The following NTM variants were observed in gnomAD, a reference collection of about 807,000 sequenced individuals.
NTM encodes the protein neurotrimin.
A neutral mutation model predicts 42.1 loss-of-function variants in NTM; 13 were observed. The ratio of observed to expected loss-of-function variants is 0.31; its 90% CI spans 0.20 to 0.49. NTM has a LOEUF of 0.49. Among genes scored for constraint, NTM ranks in the 20% least tolerant of loss-of-function variants. The probability of loss-of-function intolerance (pLI) is 0.99; values close to 1 mark genes in which losing one functional copy is unlikely to be tolerated. For synonymous variants in NTM, 187 were observed against 179.2 expected (o/e 1.04, Z -0.35); for missense variants, 373 against 452.8 (o/e 0.82, Z 1.60).
At chr11:132,076,605 A>AT (rs1400778054) in intron 2 of NTM, among the ~76,000 whole-genome samples, 1 of 152,310 alleles carries the variant, frequency 6.6e-6, no homozygotes, top group African/African-American at 2.4e-5. Flanking sequence ...AGAAAAGATG[A>AT]TTTGGTAAAG....
chr11:131,822,910 T>C (rs2093251739), intron 1 of NTM, among the ~76,000 whole-genome samples: 1 of 152,174 alleles, frequency 6.6e-6, no homozygotes, highest in South Asian at 2.1e-4. Context: ...AAAGGTAGCA[T>C]TGATCTGGAC....
intron 4 of NTM, among the ~76,000 whole-genome samples, chr11:132,240,041 C>T (rs1245631104): frequency 6.8e-6 from 1 of 147,190 alleles, no homozygotes; most frequent in Admixed American, 6.9e-5. Flanking sequence ...CATCCATCAT[C>T]CGTCCATCCC....
intron 8 of NTM, among the ~76,000 whole-genome samples, chr11:132,330,720 AC>A (rs1359866854): frequency 2.0e-5 from 3 of 152,164 alleles, no homozygotes; most frequent in African/African-American, 7.2e-5. Flanking sequence ...TGGATAATTG[AC>A]ACTCATCACC....
At chr11:131,852,953 T>TCCATCCAC (rs2045734359) in intron 1 of NTM, among the ~76,000 whole-genome samples, 1 of 146,236 alleles carries the variant, frequency 6.8e-6, no homozygotes, top group African/African-American at 2.5e-5. Flanking sequence ...CACCCATTCA[T>TCCATCCAC]CCACTCATCC....
intron 2 of NTM, among the ~76,000 whole-genome samples, chr11:132,126,588 C>A (rs2065880923): frequency 6.6e-6 from 1 of 152,130 alleles, no homozygotes; most frequent in Non-Finnish European, 1.5e-5. Flanking sequence ...TCTCCCCTAG[C>A]AGTTGTTTTT....
At chr11:132,313,668 AAGG>A (rs1406470949) in intron 6 of NTM, among the ~76,000 whole-genome samples, 4 of 152,148 alleles carry the variant, frequency 2.6e-5, no homozygotes, top group South Asian at 4.1e-4. Context: ...ACTTCCTGAG[AAGG>A]AGGACATGTG....
At chr11:131,646,189 T>G (rs1047890777) in intron 1 of NTM, among the ~76,000 whole-genome samples, 12 of 152,186 alleles carry the variant, frequency 7.9e-5, no homozygotes, top group Admixed American at 5.9e-4. Context: ...ATAAATAAAG[T>G]GTCATAAAAA....
At chr11:131,910,510 C>T (rs996344777) in intron 1 of NTM, among the ~76,000 whole-genome samples, 1 of 151,478 alleles carries the variant, frequency 6.6e-6, no homozygotes, top group African/African-American at 2.4e-5. Context: ...GCGCAGTCCG[C>T]GCCGCCAGCC....
At chr11:131,371,003 G>C in intron 1 of NTM, 115 bp downstream of exon 1, 3 of 1,534,510 alleles carry the variant, frequency 2.0e-6, no homozygotes, top group Admixed American at 2.1e-5. Context: ...GTGGAGGAGA[G>C]AGCGTTTAGA....
chr11:132,300,735 G>A (rs1032616319), intron 4 of NTM, among the ~76,000 whole-genome samples: 3 of 152,102 alleles, frequency 2.0e-5, no homozygotes, highest in Non-Finnish European at 2.9e-5. Flanking sequence ...CCATATTACT[G>A]TGCCTCTCAG....
intron 2 of NTM, among the ~76,000 whole-genome samples, chr11:132,119,230 G>C (rs1416291375): frequency 2.0e-5 from 3 of 152,200 alleles, no homozygotes; most frequent in Non-Finnish European, 4.4e-5. Context: ...TAAGGAGAAG[G>C]TGCTCGTCCT....
At chr11:132,197,547 G>T (rs2080449881) in intron 3 of NTM, among the ~76,000 whole-genome samples, 1 of 151,458 alleles carries the variant, frequency 6.6e-6, no homozygotes, top group African/African-American at 2.4e-5. Flanking sequence ...TGTGCACAAC[G>T]TGCAGGTTTG....
chr11:131,518,570 A>G lies in NTM; in HGVS notation c.82+147682A>G, dbSNP rs892645132. On this transcript the variant is annotated intron_variant, in intron 1 of 8. Coordinates refer to ENST00000683400, the MANE Select transcript of NTM (RefSeq NM_001352005.2). ...GGACAATTCCTTCCACTGCTACACC[A>G]TTGGGGAGGAATTTCACTGGACTCA... Among the ~76,000 whole-genome samples the G allele has an allele frequency of 2.6e-5, 4 of 152,274 alleles. No individual in the cohort carries two copies. In the East Asian group the frequency reaches 7.7e-4, roughly 29 times the overall value.
At chr11:132,265,676 G>C (rs558190342) in intron 4 of NTM, among the ~76,000 whole-genome samples, 2 of 152,318 alleles carry the variant, frequency 1.3e-5, no homozygotes, top group Admixed American at 6.5e-5. Flanking sequence ...GGGAGCACTG[G>C]CATGATCATT....
At chr11:131,601,569 T>A (rs1488528603) in intron 1 of NTM, among the ~76,000 whole-genome samples, 4 of 151,816 alleles carry the variant, frequency 2.6e-5, no homozygotes, top group Non-Finnish European at 4.4e-5. Flanking sequence ...TGCTCCCACC[T>A]CAAACCCCCT....
At chr11:131,531,669 C>T (rs1181818080) in intron 1 of NTM, among the ~76,000 whole-genome samples, 1 of 152,042 alleles carries the variant, frequency 6.6e-6, no homozygotes, top group South Asian at 2.1e-4. Context: ...AAATATTTAT[C>T]GAATTTCTAC....
chr11:131,747,036 A>G (rs1565495393), intron 1 of NTM, among the ~76,000 whole-genome samples: 1 of 152,234 alleles, frequency 6.6e-6, no homozygotes, highest in African/African-American at 2.4e-5. Context: ...CATATTTTTT[A>G]ATAAAGCATT....
chr11:131,433,158 A>G (rs1948827310), intron 1 of NTM, among the ~76,000 whole-genome samples: 3 of 152,212 alleles, frequency 2.0e-5, no homozygotes, highest in South Asian at 4.1e-4. Context: ...CGCCCAGCCT[A>G]GCATTCTTAA....
intron 1 of NTM, among the ~76,000 whole-genome samples, chr11:131,476,443 C>G (rs1402702124): frequency 6.6e-6 from 1 of 152,190 alleles, no homozygotes; most frequent in Non-Finnish European, 1.5e-5. Context: ...CTAGGCCAGC[C>G]ATCTGTTACT....
Sources: gnomAD v4.1 joint callset for allele counts (sites outside exome capture counted in the v4.1 genomes callset) on GRCh38, gnomAD v4.1.1 for gene constraint, MANE v1.5 for transcripts, NCBI Gene and HGNC (gene_info 2026-07-23, HGNC 2026-07-21) for gene names.